Variants in LRRC4C observed in about 807,000 individuals in gnomAD.
LRRC4C encodes leucine rich repeat containing 4C.
In LRRC4C, 5 loss-of-function variants were observed where a neutral mutation model predicts 33.6. The observed-to-expected ratio is 0.15, with a 90% CI of 0.08 to 0.31. The LOEUF is 0.31. Ranked by LOEUF, LRRC4C falls within the 10% of genes least tolerant of loss-of-function variation. The pLI, the probability that LRRC4C is intolerant of heterozygous loss-of-function variation, is 1.00. For synonymous variants in LRRC4C, 329 were observed against 302.0 expected (o/e 1.09, Z -0.93); for missense variants, 560 against 796.7 (o/e 0.70, Z 3.58).
intron 1 of LRRC4C, among the ~76,000 whole-genome samples, chr11:40,978,403 G>A (rs116577735): frequency 0.014 from 2,118 of 152,098 alleles, 54 homozygotes; most frequent in African/African-American, 0.049. Flanking sequence ...TTTACACTCC[G>A]GGGAATATTT....
chr11:40,285,186 A>G (rs2136493898), intron 4 of LRRC4C, among the ~76,000 whole-genome samples: 1 of 152,286 alleles, frequency 6.6e-6, no homozygotes, highest in African/African-American at 2.4e-5. Flanking sequence ...TCCTCTCTCA[A>G]AAAACCCCCA....
chr11:40,825,609 A>G (rs1410630430), intron 2 of LRRC4C, among the ~76,000 whole-genome samples: 1 of 151,956 alleles, frequency 6.6e-6, no homozygotes, highest in African/African-American at 2.4e-5. Context: ...AAGTGCACAA[A>G]AGCAGAGGCA....
chr11:41,081,600 C>G (rs1468972206), intron 1 of LRRC4C, among the ~76,000 whole-genome samples: 5 of 152,084 alleles, frequency 3.3e-5, no homozygotes, highest in Admixed American at 2.0e-4. Context: ...TGCAGGGAGA[C>G]CTTATGTTAA....
chr11:40,990,109 G>A (rs1853405269), intron 1 of LRRC4C, among the ~76,000 whole-genome samples: 1 of 150,564 alleles, frequency 6.6e-6, no homozygotes, highest in South Asian at 2.1e-4. Flanking sequence ...AGGATACTGA[G>A]GGTGATTGTA....
intron 3 of LRRC4C, among the ~76,000 whole-genome samples, chr11:40,323,771 C>T (rs1042703040): frequency 6.6e-6 from 1 of 152,116 alleles, no homozygotes; most frequent in African/African-American, 2.4e-5. Context: ...TCAAGGAACC[C>T]ACCCTCTATT....
At chr11:40,829,393 A>T (rs1952308893) in intron 2 of LRRC4C, among the ~76,000 whole-genome samples, 1 of 152,026 alleles carries the variant, frequency 6.6e-6, no homozygotes, top group Admixed American at 6.6e-5. Flanking sequence ...GAGCAGAAAC[A>T]TTCTGGATTG....
intron 1 of LRRC4C, among the ~76,000 whole-genome samples, chr11:40,941,045 CA>C (rs1388118356): frequency 3.4e-5 from 5 of 147,690 alleles, no homozygotes; most frequent in Admixed American, 1.4e-4. Flanking sequence ...TGAAGTGGGA[CA>C]AAAAAACAGA....
chr11:41,326,240 C>T (rs1054153933), intron 1 of LRRC4C, among the ~76,000 whole-genome samples: 2 of 152,080 alleles, frequency 1.3e-5, no homozygotes, highest in East Asian at 1.9e-4. Flanking sequence ...CTGGATACTT[C>T]GTGCCCTTGA....
At chr11:40,550,808 GA>G (rs5791385) in intron 3 of LRRC4C, among the ~76,000 whole-genome samples, 13,009 of 147,716 alleles carry the variant, frequency 0.088, 1,663 homozygotes, top group African/African-American at 0.28. Context: ...ATTTTGGGTG[GA>G]AAAAAAAAAA....
At chr11:41,305,962 G>T (rs1338161530) in intron 1 of LRRC4C, among the ~76,000 whole-genome samples, 9 of 149,762 alleles carry the variant, frequency 6.0e-5, no homozygotes, top group African/African-American at 2.2e-4. Flanking sequence ...GAACTCAGAG[G>T]CTGGCGGGAT....
chr11:40,996,287 C>T (rs1853969641), intron 1 of LRRC4C, among the ~76,000 whole-genome samples: 2 of 152,064 alleles, frequency 1.3e-5, no homozygotes, highest in African/African-American at 4.8e-5. Flanking sequence ...ATTTTCTCTG[C>T]TCTTGTCCCA....
chr11:40,702,512 T>TA (rs898892376), intron 2 of LRRC4C, among the ~76,000 whole-genome samples: 1 of 152,108 alleles, frequency 6.6e-6, no homozygotes, highest in African/African-American at 2.4e-5. Flanking sequence ...ACAAATTACA[T>TA]AAAAAATATC....
At chr11:40,541,537 C>T (rs1275563374) in intron 3 of LRRC4C, among the ~76,000 whole-genome samples, 2 of 152,096 alleles carry the variant, frequency 1.3e-5, no homozygotes, top group Admixed American at 1.3e-4. Flanking sequence ...TGGACAATGA[C>T]CTTGCCTTGG....
intron 3 of LRRC4C, among the ~76,000 whole-genome samples, chr11:40,633,608 C>T (rs942092685): frequency 6.6e-5 from 10 of 151,742 alleles, no homozygotes; most frequent in Non-Finnish European, 1.2e-4. Context: ...AGGCTGGTCT[C>T]GAACTCCTGA....
At chr11:41,258,096 T>C (rs116827759) in intron 1 of LRRC4C, among the ~76,000 whole-genome samples, 2,549 of 152,006 alleles carry the variant, frequency 0.017, 70 homozygotes, top group African/African-American at 0.059. Context: ...AAAAAAAGAA[T>C]AAGAGGAACC....
At chr11:40,463,373 G>A (rs1270149140) in intron 3 of LRRC4C, among the ~76,000 whole-genome samples, 1 of 150,568 alleles carries the variant, frequency 6.6e-6, no homozygotes, top group Non-Finnish European at 1.5e-5. Context: ...GCAGCAGGAT[G>A]TTGTGACAGC....
chr11:40,243,755 A>G (rs886841817), intron 4 of LRRC4C, among the ~76,000 whole-genome samples: 1 of 147,850 alleles, frequency 6.8e-6, no homozygotes, highest in Non-Finnish European at 1.5e-5. Flanking sequence ...AATGGCGTGA[A>G]CTTGGCTTGC....
chr11:41,398,911 G>C (rs1010097625), intron 1 of LRRC4C, among the ~76,000 whole-genome samples: 3 of 151,826 alleles, frequency 2.0e-5, no homozygotes, highest in Non-Finnish European at 2.9e-5. Context: ...AGAATCCACT[G>C]CCACTTTGTC....
intron 2 of LRRC4C, among the ~76,000 whole-genome samples, chr11:40,665,129 G>A (rs1410316119): frequency 6.6e-6 from 1 of 151,256 alleles, no homozygotes; most frequent in Non-Finnish European, 1.5e-5. Flanking sequence ...CAACAGATCT[G>A]TAAATAAGCC....
Sources: gnomAD v4.1 joint callset for allele counts (sites outside exome capture counted in the v4.1 genomes callset) on GRCh38, gnomAD v4.1.1 for gene constraint, MANE v1.5 for transcripts, NCBI Gene and HGNC (gene_info 2026-07-23, HGNC 2026-07-21) for gene names.